The following OR51B5 variants were observed in gnomAD, a reference collection of about 807,000 sequenced individuals.
The protein encoded by OR51B5 is olfactory receptor family 51 subfamily B member 5, also known as olfactory receptor 51B5.
For missense variants in OR51B5, 456 were observed against 374.6 expected (o/e 1.22, Z -1.79); for synonymous variants, 186 against 144.8 (o/e 1.28, Z -2.04).
At chr11:5,453,610 G>C (rs867120171) in intron 1 of OR51B5, 1 of 1,613,642 alleles carries the variant, frequency 6.2e-7, no homozygotes, top group Non-Finnish European at 8.5e-7. Flanking sequence ...GCCCTTGGGG[G>C]AAATACAGTG....
intron 1 of OR51B5, among the ~76,000 whole-genome samples, chr11:5,491,066 T>C (rs1355587763): frequency 1.3e-5 from 2 of 152,228 alleles, no homozygotes; most frequent in African/African-American, 2.4e-5. Flanking sequence ...CAAAATATTA[T>C]GGGAAAAGTG....
At chr11:5,484,029 C>A (rs1422356157) in intron 1 of OR51B5, among the ~76,000 whole-genome samples, 3 of 152,178 alleles carry the variant, frequency 2.0e-5, no homozygotes, top group African/African-American at 7.2e-5. Flanking sequence ...GCCACTGCAC[C>A]ACCACACTCT....
chr11:5,352,048 G>A, intron 1 of OR51B5: 1 of 1,613,998 alleles, frequency 6.2e-7, no homozygotes, highest in Non-Finnish European at 8.5e-7. Context: ...TCTACACCAA[G>A]ATGTCATCAA....
chr11:5,502,160 G>C (rs546941588), intron 1 of OR51B5, among the ~76,000 whole-genome samples: 1 of 152,144 alleles, frequency 6.6e-6, no homozygotes, highest in South Asian at 2.1e-4. Context: ...TGACTACAGG[G>C]GTCTTCAGAT....
At chr11:5,414,609 CAAA>C (rs202229480) in intron 1 of OR51B5, among the ~76,000 whole-genome samples, 79 of 150,746 alleles carry the variant, frequency 5.2e-4, no homozygotes, top group African/African-American at 1.8e-3. Context: ...AAATGGAAAA[CAAA>C]AAAAGGCAGG....
chr11:5,379,510 T>C (rs949263574), intron 1 of OR51B5, among the ~76,000 whole-genome samples: 8 of 151,756 alleles, frequency 5.3e-5, no homozygotes, highest in African/African-American at 1.9e-4. Flanking sequence ...AGTTCCAGTT[T>C]ATTTTTTCAG....
intron 1 of OR51B5, chr11:5,423,335 A>C: frequency 1.6e-6 from 1 of 624,906 alleles, no homozygotes; most frequent in East Asian, 2.9e-5. Flanking sequence ...TCTATGCAAA[A>C]GAGATATGGA....
rs150127913 is a variant in OR51B5, at chr11:5,405,785, A to G, written n.85-58875T>C. On this transcript the variant is annotated intron_variant and non_coding_transcript_variant, in intron 1 of 4. Transcript: ENST00000415970. ...CAGTTAATGGTGTGAGTCTGCCTCC[A>G]GGTTTCCATGTATCCTGTTTCTAGA... Among the ~76,000 whole-genome samples the G allele has an allele frequency of 3.3e-5, 5 of 152,350 alleles. No homozygotes were observed. The East Asian group carries it at 9.6e-4, about 29-fold the overall frequency.
At chr11:5,389,724 G>A in intron 1 of OR51B5, 1 of 1,613,924 alleles carries the variant, frequency 6.2e-7, no homozygotes, top group South Asian at 1.1e-5. Context: ...TTTGGAGCGT[G>A]TCAAATCCAG....
intron 1 of OR51B5, chr11:5,440,680 A>G: frequency 6.2e-7 from 1 of 1,613,934 alleles, no homozygotes; most frequent in Non-Finnish European, 8.5e-7. Context: ...TAGACATTGG[A>G]CATCATGACA....
chr11:5,389,554 A>G lies in OR51B5; in HGVS notation n.85-42644T>C, dbSNP rs145054919. 21 of 1,613,878 alleles carry G rather than the reference A, an allele frequency of 1.3e-5. No homozygotes were observed. The South Asian group carries it at 1.5e-4, about 12-fold the overall frequency. Reference sequence around the variant, plus strand: ...TCTTTATGTACATGGTTGCCATCTCAGGCAATTGTTTCATTCTGATCATTA... The same window carrying G: ...TCTTTATGTACATGGTTGCCATCTCGGGCAATTGTTTCATTCTGATCATTA... On this transcript the variant is annotated intron_variant and non_coding_transcript_variant, in intron 1 of 4. Coordinates refer to the OR51B5 transcript ENST00000415970.
intron 1 of OR51B5, among the ~76,000 whole-genome samples, chr11:5,416,228 C>T (rs1467843899): frequency 2.4e-5 from 3 of 124,364 alleles, no homozygotes; most frequent in South Asian, 3.0e-4. Context: ...ATTCAACAAC[C>T]CTTCATGCTA....
At chr11:5,441,690 T>C (rs1394922720) in intron 1 of OR51B5, among the ~76,000 whole-genome samples, 1 of 152,158 alleles carries the variant, frequency 6.6e-6, no homozygotes, top group African/African-American at 2.4e-5. Context: ...TCTAATCGTT[T>C]GTGTACCACC....
intron 1 of OR51B5, among the ~76,000 whole-genome samples, chr11:5,395,742 G>T (rs183993729): frequency 2.0e-5 from 3 of 152,308 alleles, no homozygotes; most frequent in Non-Finnish European, 4.4e-5. Context: ...GGTTTAGAAA[G>T]ATTCAGTAAC....
At chr11:5,343,551 T>G (rs746503842), upstream of OR51B5, 24 of 716,160 alleles carry the variant, frequency 3.4e-5, no homozygotes, top group Non-Finnish European at 5.6e-5. Flanking sequence ...AGAAATGTCT[T>G]TCTGTTTCTG....
chr11:5,350,016 C>G (rs898394212), intron 1 of OR51B5, among the ~76,000 whole-genome samples: 1 of 152,016 alleles, frequency 6.6e-6, no homozygotes, highest in African/African-American at 2.4e-5. Context: ...AAGGCTTCCA[C>G]AGAAAAAAAG....
chr11:5,376,502 C>CA (rs1168458590), intron 1 of OR51B5, among the ~76,000 whole-genome samples: 3 of 152,000 alleles, frequency 2.0e-5, no homozygotes, highest in Non-Finnish European at 4.4e-5. Context: ...AAAAACCCTT[C>CA]AAAAAATTAA....
intron 1 of OR51B5, chr11:5,430,761 G>A: frequency 2.2e-6 from 1 of 457,200 alleles, no homozygotes; most frequent in Non-Finnish European, 4.4e-6. Context: ...CCAAAAGGCA[G>A]ATGCTAGACA....
At chr11:5,348,534 A>G (rs1352093098) in intron 1 of OR51B5, among the ~76,000 whole-genome samples, 1 of 152,176 alleles carries the variant, frequency 6.6e-6, no homozygotes, top group East Asian at 1.9e-4. Flanking sequence ...CCAATTCAAA[A>G]TTAAGCTTGG....
Sources: gnomAD v4.1 joint callset for allele counts (sites outside exome capture counted in the v4.1 genomes callset) on GRCh38, gnomAD v4.1.1 for gene constraint, MANE v1.5 for transcripts, NCBI Gene and HGNC (gene_info 2026-07-23, HGNC 2026-07-21) for gene names.